DOCK2: variants seen among roughly 807,000 people sequenced by gnomAD.
The protein encoded by DOCK2 is dedicator of cytokinesis 2.
DOCK2 carries 87 observed loss-of-function variants against 248.9 expected under a neutral mutation model. The ratio of observed to expected loss-of-function variants is 0.35; its 90% confidence interval spans 0.29 to 0.42. The LOEUF is 0.42. Among genes scored for constraint, DOCK2 ranks in the 10% least tolerant of loss-of-function variants. The pLI, the probability that DOCK2 is intolerant of heterozygous loss-of-function variation, is 1.00. For missense variants in DOCK2, 1,747 were observed against 2,300.2 expected, an observed-to-expected ratio of 0.76 and a Z score of 4.92; for synonymous variants, 805 against 821.6, an observed-to-expected ratio of 0.98 and a Z score of 0.35.
intron 26 of DOCK2, among the ~76,000 whole-genome samples, chr5:169,811,626 A>G (rs933252711): frequency 3.3e-5 from 5 of 152,324 alleles, no homozygotes; most frequent in East Asian, 1.9e-4. Context: ...CACAACTTCT[A>G]TGGATGACTG....
intron 35 of DOCK2, 120 bp from the exon 36 acceptor site, chr5:170,036,395 C>T: frequency 2.0e-6 from 2 of 994,324 alleles, no homozygotes; most frequent in South Asian, 3.3e-5. Flanking sequence ...GTTTCTTATT[C>T]CTATCTCAGG....
In DOCK2 at chr5:170,082,876, C is replaced by A; in HGVS notation, c.*18C>A. 6.2e-7 allele frequency: 1 copy of A among 1,614,150 alleles called. No individual in the cohort carries two copies. The highest frequency in any genetic ancestry group is 8.5e-7 in the Non-Finnish European group (1 of 1,180,018). ...ACCTGTGAGCTGCTGCTGACTAGGG[C>A]TGCATGGGAGAGCCAGGGAGGGGAG... is the stretch of plus-strand genomic sequence containing the variant. On this transcript the variant is annotated 3_prime_UTR_variant, in exon 52 of 52. Coordinates refer to ENST00000520908, the MANE Select transcript of DOCK2 (RefSeq NM_004946.3).
At chr5:169,672,975 C>T (rs1759122948) in intron 5 of DOCK2, among the ~76,000 whole-genome samples, 1 of 152,210 alleles carries the variant, frequency 6.6e-6, no homozygotes, top group Admixed American at 6.5e-5. Flanking sequence ...CCTCCCAGCA[C>T]ATTGATGTGT....
chr5:169,977,638 A>C (rs1777761940), intron 27 of DOCK2, among the ~76,000 whole-genome samples: 1 of 152,214 alleles, frequency 6.6e-6, no homozygotes, highest in Non-Finnish European at 1.5e-5. Flanking sequence ...CCCCACTCTC[A>C]TGCTTGCATC....
chr5:169,658,574 ATC>A (rs966866798), intron 2 of DOCK2, among the ~76,000 whole-genome samples: 4 of 150,550 alleles, frequency 2.7e-5, no homozygotes, highest in South Asian at 2.1e-4. Context: ...TTATCTTTTT[ATC>A]TCTCTGTCAT....
At chr5:169,797,665 G>A (rs1052739990) in intron 25 of DOCK2, among the ~76,000 whole-genome samples, 17 of 152,284 alleles carry the variant, frequency 1.1e-4, no homozygotes, top group African/African-American at 4.1e-4. Flanking sequence ...TCACTCGGTG[G>A]TAAGTCTCCC....
At chr5:169,646,878 C>T (rs539313467) in intron 1 of DOCK2, among the ~76,000 whole-genome samples, 2 of 152,302 alleles carry the variant, frequency 1.3e-5, no homozygotes, top group African/African-American at 4.8e-5. Flanking sequence ...TGTCAAGAGT[C>T]GGAAAACAAT....
At chr5:169,646,906 A>C (rs777177607) in intron 1 of DOCK2, among the ~76,000 whole-genome samples, 15 of 152,248 alleles carry the variant, frequency 9.9e-5, no homozygotes, top group South Asian at 2.1e-4. Context: ...GTCTGTTCAG[A>C]TCAATTAAGT....
chr5:170,046,467 TCCTC>T (rs1291161425), intron 39 of DOCK2, among the ~76,000 whole-genome samples: 1 of 151,944 alleles, frequency 6.6e-6, no homozygotes, highest in Non-Finnish European at 1.5e-5. Flanking sequence ...CTCCCGCCCA[TCCTC>T]CCCACATGTT....
intron 27 of DOCK2, among the ~76,000 whole-genome samples, chr5:169,842,870 C>G (rs772110553): frequency 6.6e-6 from 1 of 152,178 alleles, no homozygotes; most frequent in African/African-American, 2.4e-5. Flanking sequence ...GTCCTATGAG[C>G]CTTTTGTTTG....
chr5:169,861,141 T>G (rs1462446463), intron 27 of DOCK2, among the ~76,000 whole-genome samples: 2 of 152,176 alleles, frequency 1.3e-5, no homozygotes, highest in Non-Finnish European at 2.9e-5. Flanking sequence ...CATGTGATCA[T>G]CGTGACACTA....
chr5:169,975,195 G>C (rs1168931232), intron 27 of DOCK2, among the ~76,000 whole-genome samples: 1 of 152,198 alleles, frequency 6.6e-6, no homozygotes, highest in Non-Finnish European at 1.5e-5. Context: ...GAATGAGGAA[G>C]AGTCAACATT....
At chr5:169,830,866 A>G (rs1769181151) in intron 26 of DOCK2, among the ~76,000 whole-genome samples, 1 of 152,220 alleles carries the variant, frequency 6.6e-6, no homozygotes, top group Non-Finnish European at 1.5e-5. Flanking sequence ...TAGCCCCAGC[A>G]TGGGACGGGA....
chr5:169,745,942 G>A (rs1464904964), intron 22 of DOCK2, among the ~76,000 whole-genome samples: 1 of 152,106 alleles, frequency 6.6e-6, no homozygotes, highest in African/African-American at 2.4e-5. Context: ...CTAGGGAGAG[G>A]AAGAGAATGA....
chr5:169,673,693 TTCTC>T (rs943393992), intron 5 of DOCK2, among the ~76,000 whole-genome samples: 3 of 152,126 alleles, frequency 2.0e-5, no homozygotes, highest in African/African-American at 7.2e-5. Flanking sequence ...TCCAAACCTT[TTCTC>T]TCTGTTTGTT....
At chr5:169,719,009 G>A (rs1278203892) in intron 22 of DOCK2, among the ~76,000 whole-genome samples, 1 of 152,218 alleles carries the variant, frequency 6.6e-6, no homozygotes, top group Non-Finnish European at 1.5e-5. Context: ...GCAGAGTTAT[G>A]TTTAACCAGT....
intron 27 of DOCK2, chr5:169,875,244 G>A (rs767376119): frequency 2.4e-5 from 11 of 456,514 alleles, no homozygotes; most frequent in African/African-American, 1.0e-4. Flanking sequence ...CTGCAACTGC[G>A]GATTCCCATC....
chr5:169,695,940 T>G lies in DOCK2; in HGVS notation c.979+2T>G, dbSNP rs1581049807. On this transcript the variant is annotated splice_donor_variant, in intron 10 of 51. Transcript: ENST00000520908. LOFTEE classifies it high-confidence loss of function. ...TGAGGAGGCCCTTTGGGGTGGCAGG[T>G]AAGGGGCACACTCTGCATCATTGAT... The G allele has an allele frequency of 6.3e-7, 1 of 1,598,354 alleles. No homozygotes were observed. Among genetic ancestry groups the G allele is most frequent in the East Asian group, 2.3e-5 (1 of 44,410 alleles).
At chr5:169,662,882 T>C (rs984895436) in intron 2 of DOCK2, among the ~76,000 whole-genome samples, 1 of 152,170 alleles carries the variant, frequency 6.6e-6, no homozygotes, top group Non-Finnish European at 1.5e-5. Context: ...CTCATGTCCT[T>C]CTTACATTGC....
Sources: gnomAD v4.1 joint callset for allele counts (sites outside exome capture counted in the v4.1 genomes callset) on GRCh38, gnomAD v4.1.1 for gene constraint, MANE v1.5 for transcripts, NCBI Gene and HGNC (gene_info 2026-07-23, HGNC 2026-07-21) for gene names.